The following SNX7 variants were observed in gnomAD, a reference collection of about 807,000 sequenced individuals.
SNX7 encodes the protein sorting nexin 7.
In SNX7, 35 loss-of-function variants were observed where a neutral mutation model predicts 48.4. That is an observed-to-expected ratio of 0.72 (90% CI 0.55 to 0.96). SNX7 has a LOEUF of 0.96. Ranked by LOEUF, SNX7 falls within the 40% of genes least tolerant of loss-of-function variation. The pLI is 0.00. For synonymous variants in SNX7, 190 were observed against 190.2 expected (o/e 1.00, Z 0.01); for missense variants, 553 against 548.9 (o/e 1.01, Z -0.07).
At chr1:98,676,457 T>C (rs1446469785) in intron 1 of SNX7, among the ~76,000 whole-genome samples, 1 of 152,214 alleles carries the variant, frequency 6.6e-6, no homozygotes, top group African/African-American at 2.4e-5. Context: ...CTTTTTGTGA[T>C]AATAGGCTGA....
At chr1:98,733,546 A>G (rs559731145) in intron 7 of SNX7, among the ~76,000 whole-genome samples, 2 of 152,254 alleles carry the variant, frequency 1.3e-5, no homozygotes, top group Non-Finnish European at 2.9e-5. Flanking sequence ...TATCAACCTT[A>G]AAGAACTATC....
At position 98,738,259 on chromosome 1, in the gene SNX7, TTGAAGA is replaced by T. The variant is rs1259212391; in HGVS notation, c.1150_1155del (p.Glu384_Asp385del). 1 of 1,613,154 alleles carries T rather than the reference TTGAAGA, an allele frequency of 6.2e-7. No homozygotes were observed. Among genetic ancestry groups the T allele is most frequent in the Non-Finnish European group, 8.5e-7 (1 of 1,179,624 alleles). ...CAGCTTCCAGAGGAGATTGGAAAAC[TTGAAGA>T]TAAAGTGGAATGTGCTAATAATGCC... On this transcript the variant is annotated inframe_deletion, in exon 8 of 9. Transcript: ENST00000306121.
intron 7 of SNX7, among the ~76,000 whole-genome samples, chr1:98,731,328 C>T (rs1390393864): frequency 1.3e-5 from 2 of 151,984 alleles, no homozygotes; most frequent in African/African-American, 4.8e-5. Flanking sequence ...GTGACTGGCC[C>T]ATAGTAGACA....
upstream of SNX7, chr1:98,661,635 G>A: frequency 9.3e-7 from 1 of 1,075,402 alleles, no homozygotes; most frequent in East Asian, 3.9e-5. Context: ...GAGCGGGGCC[G>A]GCCGGGGAGG....
At chr1:98,714,512 G>C (rs1652484111) in intron 7 of SNX7, among the ~76,000 whole-genome samples, 1 of 152,106 alleles carries the variant, frequency 6.6e-6, no homozygotes, top group South Asian at 2.1e-4. Context: ...ACTGTGATTA[G>C]TGCTATAAAG....
chr1:98,691,038 T>C (rs771042006), intron 2 of SNX7, 37 bp from the exon 3 acceptor site: 50 of 1,397,522 alleles, frequency 3.6e-5, no homozygotes, highest in Admixed American at 2.3e-4. Context: ...TTCTATCTTA[T>C]ATTGCATGTG....
chr1:98,691,631 C>T lies in SNX7; in HGVS notation c.571C>T (p.Arg191Ter), dbSNP rs1173183459. 9.3e-6 allele frequency: 15 copies of T among 1,610,410 alleles called. No individual in the cohort carries two copies. The highest frequency in any genetic ancestry group is 2.2e-5 in the East Asian group (1 of 44,612). The change falls in exon 4 of 9, where the codon CGA becomes TGA. Residue 191 changes from arginine to a stop codon, truncating the protein, a stop_gained. Coordinates refer to ENST00000306121, the MANE Select transcript of SNX7 (RefSeq NM_015976.5). LOFTEE classifies it high-confidence loss of function. ...RRKALHKFLNRIADHPTLTFN... is the reference protein window; with the variant it reads ...RRKALHKFLN ...GAAGGCTTTACATAAATTTTTGAACCGAATTGCTGATCATCCAACTTTAAC... is the reference window on the plus strand; with the variant it reads ...GAAGGCTTTACATAAATTTTTGAACTGAATTGCTGATCATCCAACTTTAAC...
chr1:98,749,654 T>C (rs11166102), intron 8 of SNX7, among the ~76,000 whole-genome samples: 28,979 of 152,068 alleles, frequency 0.19, 2,872 homozygotes, highest in East Asian at 0.32. Flanking sequence ...CCAGATTGAT[T>C]ACATTTCAGA....
chr1:98,695,640 T>C lies in SNX7; in HGVS notation c.762T>C (p.Asn254=), dbSNP rs527721603. Reference sequence around the variant, plus strand: ...GCCCAGAGGAGTTCATGGAAATGAATAACTTTATTGAACTATTTAGCCAGA... The same window carrying C: ...GCCCAGAGGAGTTCATGGAAATGAACAACTTTATTGAACTATTTAGCCAGA... ...KNRPEEFMEM[N]NFIELFSQKI... Residue 254 remains asparagine, a synonymous_variant, in exon 5 of 9, where the codon AAT becomes AAC. Transcript: ENST00000306121. 7 of 1,612,002 alleles carry C rather than the reference T, an allele frequency of 4.3e-6. No individual in the cohort carries two copies. The highest frequency in any genetic ancestry group is 1.7e-5 in the Admixed American group (1 of 60,022).
intron 2 of SNX7, among the ~76,000 whole-genome samples, chr1:98,690,554 G>A (rs191718184): frequency 6.6e-6 from 1 of 152,134 alleles, no homozygotes; most frequent in Non-Finnish European, 1.5e-5. Flanking sequence ...ACTCTAAAAT[G>A]TTAGAATTTT....
intron 5 of SNX7, among the ~76,000 whole-genome samples, chr1:98,697,446 CA>C (rs557305447): frequency 4.1e-4 from 63 of 152,040 alleles, no homozygotes; most frequent in Admixed American, 2.6e-3. Context: ...AAAAAACGGT[CA>C]CTGCTTATAA....
At chr1:98,680,802 C>G (rs973176201) in intron 1 of SNX7, among the ~76,000 whole-genome samples, 1 of 152,198 alleles carries the variant, frequency 6.6e-6, no homozygotes, top group Non-Finnish European at 1.5e-5. Context: ...TTGTCCATGT[C>G]ATTATCAGCA....
intron 7 of SNX7, among the ~76,000 whole-genome samples, chr1:98,720,078 A>G (rs1652786838): frequency 6.6e-6 from 1 of 151,796 alleles, no homozygotes; most frequent in South Asian, 2.1e-4. Context: ...GACTTTCTAT[A>G]TGTTCTCTTG....
intron 8 of SNX7, among the ~76,000 whole-genome samples, chr1:98,739,372 G>T (rs528700609): frequency 5.9e-5 from 9 of 152,234 alleles, no homozygotes; most frequent in Non-Finnish European, 1.0e-4. Flanking sequence ...GTGCTTATCC[G>T]TTTAAAAGAA....
chr1:98,673,700 GT>G (rs897413825), intron 1 of SNX7, among the ~76,000 whole-genome samples: 2 of 152,130 alleles, frequency 1.3e-5, no homozygotes, highest in African/African-American at 4.8e-5. Flanking sequence ...GGTGAGGGTG[GT>G]TGAGTCTTGC....
intron 8 of SNX7, among the ~76,000 whole-genome samples, chr1:98,749,751 A>G (rs1654491030): frequency 6.6e-6 from 1 of 152,090 alleles, no homozygotes; most frequent in African/African-American, 2.4e-5. Context: ...AATGTTACAC[A>G]CCCTATTGCC....
chr1:98,733,738 A>G (rs1027771493), intron 7 of SNX7, among the ~76,000 whole-genome samples: 1 of 152,052 alleles, frequency 6.6e-6, no homozygotes, highest in African/African-American at 2.4e-5. Flanking sequence ...AACGCAGACT[A>G]GATGGATGCT....
At chr1:98,701,777 C>A in intron 6 of SNX7, 40 bp from the exon 7 acceptor site, 1 of 1,377,128 alleles carries the variant, frequency 7.3e-7, no homozygotes, top group South Asian at 1.3e-5. Context: ...ATTATTAAAA[C>A]TAAGTACAGC....
chr1:98,694,263 A>G (rs982729092), intron 4 of SNX7, among the ~76,000 whole-genome samples: 8 of 150,792 alleles, frequency 5.3e-5, no homozygotes, highest in Non-Finnish European at 8.9e-5. Flanking sequence ...CCAGCTACTC[A>G]GGAGGCTGAG....
Sources: gnomAD v4.1 joint callset for allele counts (sites outside exome capture counted in the v4.1 genomes callset) on GRCh38, gnomAD v4.1.1 for gene constraint, MANE v1.5 for transcripts, NCBI Gene and HGNC (gene_info 2026-07-23, HGNC 2026-07-21) for gene names.